Variants in DHRSX observed in about 807,000 individuals in gnomAD.
The protein encoded by DHRSX is polyprenol dehydrogenase.
A neutral mutation model predicts 34.0 loss-of-function variants in DHRSX; 31 were observed. The observed-to-expected ratio is 0.91, with a 90% CI of 0.69 to 1.23. DHRSX has a LOEUF of 1.23. Among genes scored for constraint, DHRSX ranks in the 50% most tolerant of loss-of-function variants. DHRSX has a pLI of 0.00. For missense variants in DHRSX, 414 were observed against 428.1 expected (o/e 0.97, Z 0.29); for synonymous variants, 201 against 183.8 (o/e 1.09, Z -0.76).
rs75814920 is a variant in DHRSX at position 2,341,744 on chromosome X, C to T, written c.287-50141G>A. ...AAGAAATAAAATATTACAAAATGCT[C>T]CCTGATAAGAAATAAAATATTACAA... On this transcript the variant is annotated intron_variant, in intron 3 of 6. Coordinates refer to ENST00000334651, the MANE Select transcript of DHRSX (RefSeq NM_145177.3). Among the ~76,000 whole-genome samples the T allele has an allele frequency of 1.0e-3, 151 of 146,580 alleles. 2 individuals carry two copies. The highest frequency in any genetic ancestry group is 2.1e-3 in the Admixed American group (30 of 14,360).
intron 1 of DHRSX, among the ~76,000 whole-genome samples, chrX:2,495,637 T>C (rs2045263515): frequency 6.6e-6 from 1 of 152,216 alleles, no homozygotes; most frequent in Non-Finnish European, 1.5e-5. Context: ...GCTGACCTTC[T>C]GCAGTGAGTA....
At chrX:2,467,426 G>C (rs897460799) in intron 1 of DHRSX, among the ~76,000 whole-genome samples, 1 of 152,152 alleles carries the variant, frequency 6.6e-6, no homozygotes, top group African/African-American at 2.4e-5. Context: ...CCTCAGGAAC[G>C]CGGCACAGTC....
intron 2 of DHRSX, among the ~76,000 whole-genome samples, chrX:2,411,757 A>AT (rs1569498278): frequency 7.4e-6 from 1 of 134,480 alleles, no homozygotes; most frequent in Non-Finnish European, 1.6e-5. Context: ...CAAAACAAAA[A>AT]AAAACAAAGG....
Position 2,449,385 on chromosome X carries a change from C to A in DHRSX, c.110-24081G>T, listed in dbSNP as rs191542414. Among the ~76,000 whole-genome samples the A allele has an allele frequency of 4.9e-3, 743 of 152,270 alleles. 12 individuals carry two copies. The highest frequency in any genetic ancestry group is 0.034 in the Admixed American group (519 of 15,300). ...CAGGGCTCATCCTCCTGAGTACATGCAAGGTGCACTGAGACAGCTCCCCAT... is the reference window on the plus strand; with the variant it reads ...CAGGGCTCATCCTCCTGAGTACATGAAAGGTGCACTGAGACAGCTCCCCAT... On this transcript the variant is annotated intron_variant, in intron 1 of 6. Transcript: ENST00000334651.
chrX:2,461,263 AC>A (rs2044398359), intron 1 of DHRSX, among the ~76,000 whole-genome samples: 1 of 152,158 alleles, frequency 6.6e-6, no homozygotes, highest in African/African-American at 2.4e-5. Flanking sequence ...GACCTCGAAC[AC>A]CCCAGGGTAA....
intron 1 of DHRSX, among the ~76,000 whole-genome samples, chrX:2,456,553 G>GCA (rs1308639399): frequency 1.4e-5 from 2 of 147,984 alleles, no homozygotes; most frequent in African/African-American, 5.0e-5. Flanking sequence ...GGCGGAGGTT[G>GCA]CAGTGAGCTG....
At chrX:2,422,386 C>T (rs1426330497) in intron 2 of DHRSX, among the ~76,000 whole-genome samples, 2 of 152,032 alleles carry the variant, frequency 1.3e-5, no homozygotes, top group Non-Finnish European at 2.9e-5. Flanking sequence ...CCTCAGCCTC[C>T]CGAGCAGCTG....
chrX:2,224,027 C>T (rs1050950845), intron 6 of DHRSX, among the ~76,000 whole-genome samples: 1 of 152,220 alleles, frequency 6.6e-6, no homozygotes, highest in African/African-American at 2.4e-5. Flanking sequence ...GCATTTACAC[C>T]TCACGCTGGT....
At chrX:2,471,679 A>AAATTGC (rs1037875159) in intron 1 of DHRSX, among the ~76,000 whole-genome samples, 43 of 152,196 alleles carry the variant, frequency 2.8e-4, no homozygotes, top group Non-Finnish European at 5.3e-4. Flanking sequence ...ATCTACTAGG[A>AAATTGC]AATTGCAATT....
intron 3 of DHRSX, among the ~76,000 whole-genome samples, chrX:2,322,991 T>C (rs764081231): frequency 2.7e-5 from 4 of 150,842 alleles, no homozygotes; most frequent in African/African-American, 9.7e-5. Context: ...TGGTGTGATC[T>C]TGGCTCCCTG....
intron 3 of DHRSX, among the ~76,000 whole-genome samples, chrX:2,360,435 G>T (rs1263302293): frequency 7.9e-5 from 12 of 151,890 alleles, no homozygotes; most frequent in South Asian, 2.1e-4. Flanking sequence ...ATACAAAAAT[G>T]AGCCAGGTGT....
At chrX:2,459,567 T>TAC (rs1026887940) in intron 1 of DHRSX, among the ~76,000 whole-genome samples, 6 of 147,844 alleles carry the variant, frequency 4.1e-5, no homozygotes, top group Non-Finnish European at 7.5e-5. Context: ...TATATATATA[T>TAC]ATATATATAT....
At chrX:2,388,490 TGA>T (rs1344536182) in intron 3 of DHRSX, among the ~76,000 whole-genome samples, 2 of 144,418 alleles carry the variant, frequency 1.4e-5, no homozygotes, top group African/African-American at 5.2e-5. Flanking sequence ...GAGAAGACGG[TGA>T]CTCCAAGTCC....
rs771392901 is a variant in DHRSX at position 2,442,670 on chromosome X, G to A, written c.110-17366C>T. ...GCATTATTTCTAGAAAAACCCAGCC[G>A]CGATTTCCTAGAAACAAGAACCCCA... On this transcript the variant is annotated intron_variant, in intron 1 of 6. Transcript: ENST00000334651. Among the ~76,000 whole-genome samples, 10 of 151,974 alleles carry A rather than the reference G, an allele frequency of 6.6e-5. 1 individual carries two copies. Among genetic ancestry groups the A allele is most frequent in the South Asian group, 2.1e-4 (1 of 4,806 alleles).
At chrX:2,303,299 C>T (rs764196219) in intron 3 of DHRSX, among the ~76,000 whole-genome samples, 14 of 152,020 alleles carry the variant, frequency 9.2e-5, no homozygotes, top group Non-Finnish European at 1.5e-4. Flanking sequence ...AATTGTAATC[C>T]GCAGTGTTGG....
chrX:2,282,438 G>T (rs1353602135), intron 4 of DHRSX, among the ~76,000 whole-genome samples: 10 of 149,224 alleles, frequency 6.7e-5, no homozygotes, highest in Admixed American at 2.0e-4. Context: ...GCAAAGGAGA[G>T]AGGAGGAGAG....
intron 3 of DHRSX, among the ~76,000 whole-genome samples, chrX:2,322,642 G>A (rs1047114252): frequency 1.9e-4 from 29 of 149,760 alleles, no homozygotes; most frequent in African/African-American, 5.4e-4. Context: ...TCAGCCTCCT[G>A]AGTAGCTGGG....
intron 2 of DHRSX, among the ~76,000 whole-genome samples, chrX:2,411,551 T>A (rs773406265): frequency 2.1e-5 from 2 of 96,390 alleles, no homozygotes; most frequent in African/African-American, 1.2e-4. Context: ...CCCAACTCTG[T>A]CCCAAAAAAA....
chrX:2,398,737 T>C (rs2124629109), intron 3 of DHRSX, among the ~76,000 whole-genome samples: 2 of 150,424 alleles, frequency 1.3e-5, no homozygotes, highest in South Asian at 4.3e-4. Flanking sequence ...TGGTGCGATC[T>C]CGGCTCACTG....
Sources: allele counts gnomAD v4.1 joint callset (sites outside exome capture counted in the v4.1 genomes callset), GRCh38; gene constraint gnomAD v4.1.1; transcripts MANE v1.5; gene names NCBI Gene and HGNC (gene_info 2026-07-23, HGNC 2026-07-21).